EPB41L4A: variants seen among roughly 807,000 people sequenced by gnomAD.
EPB41L4A encodes the protein band 4.1-like protein 4A.
A neutral mutation model predicts 108.6 loss-of-function variants in EPB41L4A; 100 were observed. The observed-to-expected ratio is 0.92, with a 90% confidence interval of 0.78 to 1.09. The LOEUF (loss-of-function observed/expected upper bound fraction) is 1.09. EPB41L4A is among the 50% of genes least tolerant of loss of function. EPB41L4A has a pLI of 0.00. For missense variants in EPB41L4A, 1,030 were observed against 842.7 expected (o/e 1.22, Z -2.75); for synonymous variants, 319 against 289.0 (o/e 1.10, Z -1.05).
intron 1 of EPB41L4A, among the ~76,000 whole-genome samples, chr5:112,315,167 C>T (rs1193438844): frequency 6.6e-6 from 1 of 152,146 alleles, no homozygotes; most frequent in African/African-American, 2.4e-5. Flanking sequence ...AAAATGCCAC[C>T]TTCTTCATAA....
intron 9 of EPB41L4A, among the ~76,000 whole-genome samples, chr5:112,256,477 A>C (rs1412700630): frequency 6.6e-6 from 1 of 152,182 alleles, no homozygotes; most frequent in Non-Finnish European, 1.5e-5. Context: ...GCTGGAATAC[A>C]AGAATTCGGC....
chr5:112,419,925 G>A (rs1310398831), upstream of EPB41L4A: 4 of 455,962 alleles, frequency 8.8e-6, no homozygotes, highest in South Asian at 4.6e-5. Context: ...AAAGCGGGGA[G>A]GCGGGGACCT....
chr5:112,346,215 C>CTTTTTTTTTTTTTTTTTTTTTTT (rs1479210695), intron 1 of EPB41L4A, among the ~76,000 whole-genome samples: 2 of 49,036 alleles, frequency 4.1e-5, no homozygotes, highest in African/African-American at 9.1e-5. Context: ...AGGTACATTG[C>CTTTTTTTTTTTTTTTTTTTTTTT]ATTTTTTTTT....
chr5:112,373,081 C>T (rs1759593552), intron 1 of EPB41L4A, among the ~76,000 whole-genome samples: 1 of 152,112 alleles, frequency 6.6e-6, no homozygotes, highest in South Asian at 2.1e-4. Context: ...AACTCAGGGC[C>T]CAGGAATACA....
chr5:112,291,318 G>T (rs115858286), intron 2 of EPB41L4A, among the ~76,000 whole-genome samples: 2 of 152,104 alleles, frequency 1.3e-5, no homozygotes, highest in Non-Finnish European at 2.9e-5. Flanking sequence ...CTGCCTTAAG[G>T]CCCCCATGCC....
rs944734736 is a variant in EPB41L4A, at chr5:112,210,322, A to G, written c.1088-340T>C. On this transcript the variant is annotated intron_variant, in intron 12 of 22. Transcript: ENST00000261486. The stretch of plus-strand genomic sequence containing the variant: ...AGTACCATATATTAGAATATAAAAC[A>G]TAATGATCAGGTTTTGATGACTACT... Among the ~76,000 whole-genome samples the G allele has an allele frequency of 7.2e-5, 11 of 152,186 alleles. No homozygotes were observed. The East Asian group carries it at 2.1e-3, about 29-fold the overall frequency.
chr5:112,278,129 A>G (rs1752725008), intron 3 of EPB41L4A, among the ~76,000 whole-genome samples: 1 of 152,218 alleles, frequency 6.6e-6, no homozygotes, highest in African/African-American at 2.4e-5. Context: ...TGACTAATCT[A>G]TTAGAGATTT....
rs934288901 is a variant in EPB41L4A, at chr5:112,274,597, C to T, written c.335+729G>A. Among the ~76,000 whole-genome samples the T allele has an allele frequency of 1.1e-4, 16 of 152,266 alleles. No homozygotes were observed. In the East Asian group the frequency reaches 3.1e-3, roughly 29 times the overall value. ...GAGGTATTAGGCTTTATTTTAGCCC[C>T]TAATATGGGTTCACTGGGAAAACTG... On this transcript the variant is annotated intron_variant, in intron 4 of 22. Transcript: ENST00000261486.
chr5:112,388,200 T>C (rs1214369338), intron 1 of EPB41L4A, among the ~76,000 whole-genome samples: 1 of 152,218 alleles, frequency 6.6e-6, no homozygotes, highest in Non-Finnish European at 1.5e-5. Context: ...AATACGCTTA[T>C]CTCCTCCCTT....
chr5:112,347,005 A>G (rs1382703333), intron 1 of EPB41L4A, among the ~76,000 whole-genome samples: 2 of 152,330 alleles, frequency 1.3e-5, no homozygotes, highest in Admixed American at 6.5e-5. Context: ...AGCCAGCTGT[A>G]TATCTGACCC....
In EPB41L4A at chr5:112,346,365, A is replaced by G. The variant is rs533057370; in HGVS notation, c.100-38875T>C. On this transcript the variant is annotated intron_variant, in intron 1 of 22. Transcript: ENST00000261486. Reference sequence around the variant, plus strand: ...CTCAGCCTCCTGTAGCTGCGATTACAGGCATGCACCACCACACCTGGCTAA... The same window carrying G: ...CTCAGCCTCCTGTAGCTGCGATTACGGGCATGCACCACCACACCTGGCTAA... Among the ~76,000 whole-genome samples, 442 of 151,646 alleles carry G rather than the reference A, an allele frequency of 2.9e-3. 1 individual carries two copies. Among genetic ancestry groups the G allele is most frequent in the Non-Finnish European group, 3.9e-3 (263 of 67,900 alleles).
intron 1 of EPB41L4A, among the ~76,000 whole-genome samples, chr5:112,322,802 G>C (rs1245681711): frequency 6.6e-6 from 1 of 151,806 alleles, no homozygotes; most frequent in Non-Finnish European, 1.5e-5. Flanking sequence ...AGTGCTCTTA[G>C]CCTGCCTGAT....
chr5:112,367,187 G>C (rs1358572203), intron 1 of EPB41L4A, among the ~76,000 whole-genome samples: 1 of 152,194 alleles, frequency 6.6e-6, no homozygotes, highest in Non-Finnish European at 1.5e-5. Flanking sequence ...GCCCCTAGAG[G>C]AAAGAGTTTG....
rs189359606 is a variant in EPB41L4A at position 112,372,114 on chromosome 5, T to C, written c.99+46827A>G. ...GTGTATTAGTCTGTTCTCATGCTGC[T>C]ATGAAGAAATACCCATGACTGGGTA... is the stretch of plus-strand genomic sequence containing the variant. On this transcript the variant is annotated intron_variant, in intron 1 of 22. Transcript: ENST00000261486. Among the ~76,000 whole-genome samples, 10 of 152,334 alleles carry C rather than the reference T, an allele frequency of 6.6e-5. No individual in the cohort carries two copies. In the East Asian group the frequency reaches 1.9e-3, roughly 29 times the overall value.
rs1286006151 is a variant in EPB41L4A, at chr5:112,164,070, T to C, written c.*920A>G. 6.6e-6 allele frequency: 1 copy of C among 152,220 alleles called. No homozygotes were observed. The highest frequency in any genetic ancestry group is 1.5e-5 in the Non-Finnish European group (1 of 68,064). The allele number at this position is 152,220 out of a possible 1,614,324, so 9.4% of individuals were successfully genotyped here. On this transcript the variant is annotated 3_prime_UTR_variant, in exon 23 of 23. Transcript: ENST00000261486. ...CACTGGGGAGAGCAGGTGAATTAGA[T>C]GGCCAAGCAGGGTGGATGGATCATT...
intron 9 of EPB41L4A, among the ~76,000 whole-genome samples, chr5:112,241,916 T>C (rs1351206174): frequency 6.6e-6 from 1 of 152,196 alleles, no homozygotes; most frequent in East Asian, 1.9e-4. Context: ...CTATTAAGTA[T>C]ATAACAGCAT....
chr5:112,215,559 G>C (rs1036795987), intron 12 of EPB41L4A, among the ~76,000 whole-genome samples: 2 of 152,016 alleles, frequency 1.3e-5, no homozygotes, highest in Non-Finnish European at 2.9e-5. Flanking sequence ...TCAGGAGATC[G>C]AGACCATTCT....
intron 2 of EPB41L4A, among the ~76,000 whole-genome samples, chr5:112,282,112 T>C (rs1244230566): frequency 6.6e-6 from 1 of 152,210 alleles, no homozygotes; most frequent in Non-Finnish European, 1.5e-5. Context: ...GCAGAGGATG[T>C]GTCAGTGAAA....
intron 1 of EPB41L4A, among the ~76,000 whole-genome samples, chr5:112,373,034 A>C (rs1242378179): frequency 1.3e-5 from 2 of 152,204 alleles, no homozygotes; most frequent in African/African-American, 4.8e-5. Context: ...GCAACCAGGA[A>C]TAACTCTGTC....
Sources: gnomAD v4.1 joint callset for allele counts (sites outside exome capture counted in the v4.1 genomes callset) on GRCh38, gnomAD v4.1.1 for gene constraint, MANE v1.5 for transcripts, NCBI Gene and HGNC (gene_info 2026-07-23, HGNC 2026-07-21) for gene names.